Variants in TLL1 observed in about 807,000 individuals in gnomAD.
TLL1 encodes the protein tolloid-like protein 1.
In TLL1, 49 loss-of-function variants were observed where a neutral mutation model predicts 128.2. The ratio of observed to expected loss-of-function variants is 0.38; its 90% confidence interval spans 0.30 to 0.48. TLL1 has a LOEUF of 0.48. TLL1 is among the 20% of genes least tolerant of loss of function. The probability of loss-of-function intolerance (pLI) is 0.96; values close to 1 mark genes in which losing one functional copy is unlikely to be tolerated. For missense variants in TLL1, 1,123 were observed against 1,242.0 expected (o/e 0.90, Z 1.44); for synonymous variants, 454 against 418.8 (o/e 1.08, Z -1.03).
chr4:166,000,586 T>G (rs1737100948), intron 5 of TLL1, among the ~76,000 whole-genome samples: 1 of 152,198 alleles, frequency 6.6e-6, no homozygotes, highest in Non-Finnish European at 1.5e-5. Context: ...CTATATTCCC[T>G]GAATAAAGCC....
chr4:165,902,089 T>TC (rs1404926640), intron 1 of TLL1, among the ~76,000 whole-genome samples: 1 of 151,944 alleles, frequency 6.6e-6, no homozygotes, highest in East Asian at 1.9e-4. Flanking sequence ...TGGATGCCCC[T>TC]CCCCCCACGA....
In TLL1 at chr4:166,091,213, C is replaced by T. The variant is rs1285212694; in HGVS notation, c.2528C>T (p.Pro843Leu). ...TTTGATGGAGAAACAGAAAAGTCAC[C>T]GATTCTTGGACGACTGTGTGGCAAC... ...EVFDGETEKS[P>L]ILGRLCGNKI... is the part of the protein sequence containing the mutation. The change falls in exon 19 of 21, where the codon CCG (proline) becomes CTG (leucine). Residue 843 changes from proline to leucine, a missense_variant. Transcript: ENST00000061240. 10 of 1,613,012 alleles carry T rather than the reference C, an allele frequency of 6.2e-6. No homozygotes were observed. The highest frequency in any genetic ancestry group is 4.5e-5 in the East Asian group (2 of 44,736).
intron 1 of TLL1, among the ~76,000 whole-genome samples, chr4:165,952,150 C>A (rs981585169): frequency 6.6e-6 from 1 of 152,106 alleles, no homozygotes; most frequent in African/African-American, 2.4e-5. Flanking sequence ...CCAAATTATT[C>A]TTACAAACTC....
chr4:166,043,343 G>A lies in TLL1; in HGVS notation c.1448G>A (p.Arg483His), dbSNP rs749472210. ...IQSPNYPDDY[R>H]PMKECVWKIT... ...TCTCCCAATTATCCTGATGACTATCGCCCGATGAAAGAATGTGTGTGGAAA... is the reference window on the plus strand; with the variant it reads ...TCTCCCAATTATCCTGATGACTATCACCCGATGAAAGAATGTGTGTGGAAA... The change falls in exon 12 of 21, where the codon CGC becomes CAC. Residue 483 changes from arginine (R) to histidine (H), a missense_variant. This residue lies in a region of TLL1 where 634 missense variants were observed against 672.4 expected (regional missense o/e 0.94). Coordinates refer to ENST00000061240, the MANE Select transcript of TLL1 (RefSeq NM_012464.5). 2 of 1,614,074 alleles carry A rather than the reference G, an allele frequency of 1.2e-6. No homozygotes were observed. Among genetic ancestry groups the A allele is most frequent in the Non-Finnish European group, 1.7e-6 (2 of 1,179,988 alleles).
chr4:165,995,084 C>T lies in TLL1; in HGVS notation c.538C>T (p.Gln180Ter). Residue 180 changes from glutamine (Q) to a stop codon, truncating the protein, a stop_gained, in exon 5 of 21, where the codon CAG becomes TAG. Coordinates refer to ENST00000061240, the MANE Select transcript of TLL1 (RefSeq NM_012464.5). LOFTEE classifies it high-confidence loss of function. ...FTGSQRAMFK[Q>*]AMRHWEKHTC... ...AGGCAGCCAGAGAGCCATGTTCAAG[C>T]AGGCCATGAGGCACTGGGAAAAGCA... 6.2e-7 allele frequency: 1 copy of T among 1,613,724 alleles called. No individual in the cohort carries two copies. Among genetic ancestry groups the T allele is most frequent in the Non-Finnish European group, 8.5e-7 (1 of 1,179,838 alleles).
intron 1 of TLL1, among the ~76,000 whole-genome samples, chr4:165,883,422 G>A (rs1367024551): frequency 6.6e-6 from 1 of 152,042 alleles, no homozygotes; most frequent in Non-Finnish European, 1.5e-5. Context: ...TGGAGTGAGA[G>A]GGCCATGAGT....
At chr4:165,970,821 C>T (rs1246701312) in intron 1 of TLL1, among the ~76,000 whole-genome samples, 1 of 152,254 alleles carries the variant, frequency 6.6e-6, no homozygotes, top group Non-Finnish European at 1.5e-5. Flanking sequence ...AATCAAAGAG[C>T]TTTCATGGGC....
In TLL1 at chr4:166,104,115, C is replaced by T. The variant is rs1439078682; in HGVS notation, c.*3239C>T. Among the ~76,000 whole-genome samples, 1 of 151,744 alleles carries T rather than the reference C, an allele frequency of 6.6e-6. No homozygotes were observed. On this transcript the variant is annotated 3_prime_UTR_variant, in exon 21 of 21. Transcript: ENST00000061240. ...ACTTTGTTTTAAAATAGCTTGGTCT[C>T]TTTTATTTGGTTTGTAATACTGCTG...
chr4:166,074,218 G>A (rs1415857861), intron 16 of TLL1, among the ~76,000 whole-genome samples: 1 of 151,722 alleles, frequency 6.6e-6, no homozygotes, highest in Non-Finnish European at 1.5e-5. Flanking sequence ...TAATAAACTT[G>A]TCTACCAGAG....
chr4:165,959,828 A>G (rs1379068647), intron 1 of TLL1, among the ~76,000 whole-genome samples: 1 of 152,144 alleles, frequency 6.6e-6, no homozygotes, highest in African/African-American at 2.4e-5. Flanking sequence ...AATCTTTGGG[A>G]TGCAGCAAAA....
At chr4:166,043,552 A>T (rs1739330710) in intron 12 of TLL1, 133 bp downstream of exon 12, 6 of 1,331,482 alleles carry the variant, frequency 4.5e-6, no homozygotes, top group Non-Finnish European at 5.4e-6. Flanking sequence ...AGGATCGCTC[A>T]TAAAATGCAA....
chr4:165,974,997 T>C (rs1442326458), intron 1 of TLL1, among the ~76,000 whole-genome samples: 1 of 152,188 alleles, frequency 6.6e-6, no homozygotes, highest in African/African-American at 2.4e-5. Context: ...TTTATTGGGA[T>C]TCAGTGTAGT....
At chr4:166,094,928 C>T (rs1248928910) in intron 19 of TLL1, among the ~76,000 whole-genome samples, 1 of 152,016 alleles carries the variant, frequency 6.6e-6, no homozygotes, top group Non-Finnish European at 1.5e-5. Flanking sequence ...GAAGGGAATC[C>T]TGCCTATTGA....
chr4:166,091,584 A>C (rs78258996), intron 19 of TLL1, among the ~76,000 whole-genome samples: 1 of 152,106 alleles, frequency 6.6e-6, no homozygotes, highest in Admixed American at 6.6e-5. Context: ...TTGTTTAAGT[A>C]GAACAGTGCA....
chr4:166,094,054 G>A (rs533211819), intron 19 of TLL1, among the ~76,000 whole-genome samples: 14 of 152,118 alleles, frequency 9.2e-5, no homozygotes, highest in Non-Finnish European at 1.9e-4. Flanking sequence ...CATAGACACA[G>A]TAATAGTCTG....
intron 1 of TLL1, among the ~76,000 whole-genome samples, chr4:165,983,200 G>A (rs1020408593): frequency 2.0e-5 from 3 of 151,800 alleles, no homozygotes; most frequent in African/African-American, 7.2e-5. Flanking sequence ...AATATTTGTG[G>A]TATGGATGAT....
At chr4:166,093,528 G>A (rs906277110) in intron 19 of TLL1, among the ~76,000 whole-genome samples, 8 of 152,124 alleles carry the variant, frequency 5.3e-5, no homozygotes, top group Non-Finnish European at 1.0e-4. Context: ...ATGTACAATC[G>A]GGTTTTATAT....
intron 6 of TLL1, among the ~76,000 whole-genome samples, chr4:166,004,480 G>A (rs913884458): frequency 6.6e-6 from 1 of 152,078 alleles, no homozygotes; most frequent in East Asian, 1.9e-4. Context: ...TGGGATATGT[G>A]CATATATATA....
rs371115957 is a variant in TLL1, at chr4:165,936,623, G to A, written c.170-52758G>A. The stretch of plus-strand genomic sequence containing the variant: ...GTATACACAGTCTACTGGTATCGGC[G>A]TTTTACAACACTGAATGAAATGTAG... On this transcript the variant is annotated intron_variant, in intron 1 of 20. Coordinates refer to ENST00000061240, the MANE Select transcript of TLL1 (RefSeq NM_012464.5). 1.2e-4 allele frequency among the ~76,000 whole-genome samples: 18 copies of A among 151,990 alleles called. No individual in the cohort carries two copies. The East Asian group carries it at 1.4e-3, about 11-fold the overall frequency.
Sources: gnomAD v4.1 joint callset for allele counts (sites outside exome capture counted in the v4.1 genomes callset) on GRCh38, gnomAD v4.1.1 for gene constraint, gnomAD v4.1.1 regional missense constraint, MANE v1.5 for transcripts, NCBI Gene and HGNC (gene_info 2026-07-23, HGNC 2026-07-21) for gene names.